SBK1: variants seen among roughly 807,000 people sequenced by gnomAD.
SBK1 encodes SH3 domain binding kinase 1, also known as serine/threonine-protein kinase SBK1.
A neutral mutation model predicts 24.4 loss-of-function variants in SBK1; 11 were observed. The observed-to-expected ratio is 0.45, with a 90% confidence interval of 0.28 to 0.75. The LOEUF (loss-of-function observed/expected upper bound fraction) is 0.75. SBK1 is among the 30% of genes least tolerant of loss of function. SBK1 has a pLI of 0.12. For missense variants in SBK1, 467 were observed against 620.5 expected (o/e 0.75, Z 2.63); for synonymous variants, 308 against 284.4 (o/e 1.08, Z -0.83).
chr16:28,307,496 T>A (rs1272036838), intron 1 of SBK1, among the ~76,000 whole-genome samples: 1 of 152,100 alleles, frequency 6.6e-6, no homozygotes, highest in Non-Finnish European at 1.5e-5. Flanking sequence ...TCCCAGCACT[T>A]TGGGAGGCCA....
chr16:28,276,143 AGT>A lies in SBK1; in HGVS notation c.257+16643_257+16644del, dbSNP rs2044492825. Among the ~76,000 whole-genome samples the A allele has an allele frequency of 2.0e-5, 3 of 152,146 alleles. No homozygotes were observed. In the South Asian group the frequency reaches 6.2e-4, roughly 32 times the overall value. On this transcript the variant is annotated intron_variant, in intron 1 of 3. Transcript: ENST00000671413. The stretch of plus-strand genomic sequence containing the variant: ...TCTCATCCATCTGTTTTCTCAGCAA[AGT>A]GGGAGCCACGGTTTGTTTGAGGAGA...
chr16:28,292,451 C>A, upstream of SBK1: 1 of 797,676 alleles, frequency 1.3e-6, no homozygotes, highest in Non-Finnish European at 1.5e-6. Flanking sequence ...AAGGGGCGGG[C>A]GGCGGCGCGC....
Position 28,292,534 on chromosome 16 carries a change from A to G in SBK1, c.-774A>G, listed in dbSNP as rs1289495190. 10 of 976,228 alleles carry G rather than the reference A, an allele frequency of 1.0e-5. No homozygotes were observed. Among genetic ancestry groups the G allele is most frequent in the Non-Finnish European group, 1.2e-5 (10 of 826,474 alleles). The allele number at this position is 976,228 out of a possible 1,614,324, so 60.5% of individuals were successfully genotyped here. A position where few individuals can be genotyped will look rare whatever the true frequency, so the allele number is the denominator to read the frequency against. ...TGGAGGGCGGAGCCGCGATGCCGCG[A>G]TGGAGCGCAGCCCGGGCGGGCGCCG... On this transcript the variant is annotated 5_prime_UTR_variant, in exon 1 of 4. It removes an upstream start codon present in the reference 5' UTR. Coordinates refer to ENST00000341901, the MANE Select transcript of SBK1 (RefSeq NM_001024401.3).
intron 1 of SBK1, among the ~76,000 whole-genome samples, chr16:28,267,359 G>A (rs547628844): frequency 2.0e-5 from 3 of 152,144 alleles, no homozygotes; most frequent in East Asian, 1.9e-4. Flanking sequence ...TATTCGTGGC[G>A]TATCACTTTC....
At chr16:28,302,025 G>A (rs1029581323) in intron 1 of SBK1, among the ~76,000 whole-genome samples, 1 of 152,246 alleles carries the variant, frequency 6.6e-6, no homozygotes, top group Non-Finnish European at 1.5e-5. Context: ...CAAGGGGAGG[G>A]AGAGGCCTTA....
At position 28,304,904 on chromosome 16, in the gene SBK1, G is replaced by A. The variant is rs554596196; in HGVS notation, c.-8+11604G>A. On this transcript the variant is annotated intron_variant, in intron 1 of 3. Transcript: ENST00000341901. The stretch of plus-strand genomic sequence containing the variant: ...ATTACAAGCGTGAGCCACCGCGCAC[G>A]GCAGCGGTAATTTTTTTTTTCTTGA... Among the ~76,000 whole-genome samples, 12 of 152,044 alleles carry A rather than the reference G, an allele frequency of 7.9e-5. No homozygotes were observed. In the South Asian group the frequency reaches 1.7e-3, roughly 21 times the overall value.
upstream of SBK1, chr16:28,292,428 A>G (rs1596546176): frequency 1.6e-6 from 1 of 608,444 alleles, no homozygotes; most frequent in Non-Finnish European, 2.0e-6. Flanking sequence ...GCGCGCGCCG[A>G]GCGGGACGGA....
At chr16:28,278,771 T>G (rs2044510656) in intron 1 of SBK1, among the ~76,000 whole-genome samples, 1 of 152,190 alleles carries the variant, frequency 6.6e-6, no homozygotes, top group African/African-American at 2.4e-5. Context: ...CTCAGCCAAC[T>G]ACTCACCCCG....
At chr16:28,307,261 GAC>G (rs2044723472) in intron 1 of SBK1, among the ~76,000 whole-genome samples, 1 of 152,196 alleles carries the variant, frequency 6.6e-6, no homozygotes, top group Non-Finnish European at 1.5e-5. Flanking sequence ...AATGTCCTAT[GAC>G]ACAGAGACTT....
At chr16:28,274,321 A>G (rs2044483880) in intron 1 of SBK1, among the ~76,000 whole-genome samples, 1 of 152,160 alleles carries the variant, frequency 6.6e-6, no homozygotes, top group African/African-American at 2.4e-5. Flanking sequence ...GAGGAAGTAT[A>G]CTACAAAACT....
intron 1 of SBK1, among the ~76,000 whole-genome samples, chr16:28,271,968 C>T (rs763824718): frequency 2.6e-5 from 4 of 152,178 alleles, no homozygotes; most frequent in Non-Finnish European, 5.9e-5. Flanking sequence ...AAAATTTATG[C>T]CCACAGAAAA....
At chr16:28,275,890 A>AAAGG (rs571451740) in intron 1 of SBK1, among the ~76,000 whole-genome samples, 221 of 152,000 alleles carry the variant, frequency 1.5e-3, no homozygotes, top group East Asian at 3.3e-3. Flanking sequence ...GTCTCAAAAA[A>AAAGG]AAGGAAGGAA....
intron 1 of SBK1, among the ~76,000 whole-genome samples, chr16:28,315,133 G>C (rs1246050335): frequency 6.6e-6 from 1 of 152,024 alleles, no homozygotes; most frequent in East Asian, 1.9e-4. Flanking sequence ...ATACTCATGT[G>C]TGCCTGCGCC....
chr16:28,308,740 G>GGTGTGTGT (rs763015809), intron 1 of SBK1, among the ~76,000 whole-genome samples: 7,022 of 130,472 alleles, frequency 0.054, 215 homozygotes, highest in Middle Eastern at 0.1. Flanking sequence ...CGTTCTTTGG[G>GGTGTGTGT]GTGTGTGTGT....
chr16:28,289,904 G>A (rs1231171825), upstream of SBK1, among the ~76,000 whole-genome samples: 1 of 151,998 alleles, frequency 6.6e-6, no homozygotes, highest in African/African-American at 2.4e-5. Context: ...TGGGCAACAT[G>A]GCAAAACCCC....
At chr16:28,300,966 G>A (rs2044674747) in intron 1 of SBK1, among the ~76,000 whole-genome samples, 1 of 152,174 alleles carries the variant, frequency 6.6e-6, no homozygotes, top group African/African-American at 2.4e-5. Flanking sequence ...AGGCAAAGGA[G>A]GTGAAGGATG....
Position 28,320,246 on chromosome 16 carries a change from C to T in SBK1, c.600C>T (p.Arg200=). ...TGGCCGACTTCGGCATGACGCGCCG[C>T]GTGGGCTGCCGCGTCAAGCGCGTGA... The part of the protein sequence containing the change: ...VKLADFGMTR[R]VGCRVKRVSG... The change falls in exon 4 of 4, where the codon CGC becomes CGT. Residue 200 remains arginine (R), a synonymous_variant. Transcript: ENST00000341901. This position sits in a 1 kb window ranked among gnomAD's most constrained non-coding sequence, Gnocchi z 8.5. The T allele has an allele frequency of 6.3e-7, 1 of 1,591,538 alleles. No individual in the cohort carries two copies. The highest frequency in any genetic ancestry group is 8.5e-7 in the Non-Finnish European group (1 of 1,174,452).
At chr16:28,307,652 A>G (rs1305343910) in intron 1 of SBK1, among the ~76,000 whole-genome samples, 1 of 151,334 alleles carries the variant, frequency 6.6e-6, no homozygotes, top group Non-Finnish European at 1.5e-5. Context: ...AGGCAGGAGA[A>G]TCGCTTGAAC....
At chr16:28,262,723 G>T (rs1419127161) in intron 1 of SBK1, among the ~76,000 whole-genome samples, 1 of 152,214 alleles carries the variant, frequency 6.6e-6, no homozygotes, top group Non-Finnish European at 1.5e-5. Flanking sequence ...AAATTTGTCA[G>T]CAAACGCATC....
Sources: allele counts gnomAD v4.1 joint callset (sites outside exome capture counted in the v4.1 genomes callset), GRCh38; gene constraint gnomAD v4.1.1; non-coding constraint Gnocchi (gnomAD v3.1); transcripts MANE v1.5; gene names NCBI Gene and HGNC (gene_info 2026-07-23, HGNC 2026-07-21).